The following GOLGA4 variants were observed in gnomAD, a reference collection of about 807,000 sequenced individuals.
The protein encoded by GOLGA4 is golgin subfamily A member 4.
In GOLGA4, 169 loss-of-function variants were observed where a neutral mutation model predicts 265.9. That is an observed-to-expected ratio of 0.64 (90% CI 0.56 to 0.72). The LOEUF is 0.72. GOLGA4 is among the 30% of genes least tolerant of loss of function. The pLI is 0.00. For synonymous variants in GOLGA4, 923 were observed against 855.8 expected, an observed-to-expected ratio of 1.08 and a Z score of -1.37; for missense variants, 2,482 against 2,483.4, an observed-to-expected ratio of 1.00 and a Z score of 0.01.
At chr3:37,320,172 G>A (rs1045396079) in intron 12 of GOLGA4, 2 of 151,652 alleles carry the variant, frequency 1.3e-5, no homozygotes, top group African/African-American at 4.8e-5. Context: ...GATTTTTGTT[G>A]AAAGATTTTT....
intron 2 of GOLGA4, among the ~76,000 whole-genome samples, chr3:37,252,135 A>G (rs1486294840): frequency 9.4e-4 from 1 of 1,060 alleles, no homozygotes; most frequent in Non-Finnish European, 1.3e-3. Context: ...ATTATTTCCC[A>G]CTTTTTTTCT....
At chr3:37,257,083 C>T (rs998493094) in intron 2 of GOLGA4, among the ~76,000 whole-genome samples, 4 of 152,148 alleles carry the variant, frequency 2.6e-5, no homozygotes, top group Admixed American at 2.6e-4. Flanking sequence ...ATTCCCACTC[C>T]TTCCTCCAAC....
At position 37,327,235 on chromosome 3, in the gene GOLGA4, T is replaced by C. The variant is rs1267205137; in HGVS notation, c.5349T>C (p.Ala1783=). 6.2e-7 allele frequency: 1 copy of C among 1,613,868 alleles called. No individual in the cohort carries two copies. ...YQERLIKLEH[A]EAKQHEDQSM... is the part of the protein sequence containing the mutation. ...AGCGCTTAATAAAGCTAGAACATGC[T>C]GAGGCAAAGCAACATGAAGATCAAA... Residue 1783 remains alanine (A), a synonymous_variant, in exon 14 of 24, where the codon GCT becomes GCC. Coordinates refer to ENST00000361924, the MANE Select transcript of GOLGA4 (RefSeq NM_002078.5).
chr3:37,278,511 A>G (rs1057424160), intron 2 of GOLGA4, among the ~76,000 whole-genome samples: 3 of 152,158 alleles, frequency 2.0e-5, no homozygotes, highest in Non-Finnish European at 2.9e-5. Context: ...CCTAAAATCC[A>G]TATTTTCTTC....
chr3:37,346,516 A>G (rs1014167133), intron 20 of GOLGA4, among the ~76,000 whole-genome samples: 1 of 152,150 alleles, frequency 6.6e-6, no homozygotes, highest in Non-Finnish European at 1.5e-5. Flanking sequence ...TTCAATGCTG[A>G]ATTTAATAAT....
intron 10 of GOLGA4, among the ~76,000 whole-genome samples, chr3:37,306,560 AG>A (rs1307560999): frequency 4.7e-5 from 7 of 150,444 alleles, no homozygotes; most frequent in Non-Finnish European, 7.4e-5. Flanking sequence ...GATAGGAGAT[AG>A]GGGTAGCTAA....
chr3:37,293,134 T>A (rs1248396825), intron 5 of GOLGA4, among the ~76,000 whole-genome samples: 1 of 152,162 alleles, frequency 6.6e-6, no homozygotes, highest in Non-Finnish European at 1.5e-5. Flanking sequence ...TGGATAAAAT[T>A]AGAGGAGGAC....
chr3:37,327,947 A>G, intron 14 of GOLGA4, 122 bp downstream of exon 14: 1 of 738,730 alleles, frequency 1.4e-6, no homozygotes. Flanking sequence ...AAAATATTAA[A>G]CATAAATCCA....
chr3:37,352,336 C>G (rs1162643058), intron 21 of GOLGA4, among the ~76,000 whole-genome samples: 3 of 151,910 alleles, frequency 2.0e-5, no homozygotes, highest in Non-Finnish European at 4.4e-5. Context: ...AAGAAGTGCC[C>G]AGCAAAAGGG....
At chr3:37,349,847 G>A (rs764562674) in intron 21 of GOLGA4, among the ~76,000 whole-genome samples, 5 of 152,104 alleles carry the variant, frequency 3.3e-5, no homozygotes, top group African/African-American at 9.7e-5. Context: ...GTGTTTCTTC[G>A]TCTGCTTTTG....
At position 37,326,928 on chromosome 3, in the gene GOLGA4, T is replaced by C. The variant is rs749730424; in HGVS notation, c.5042T>C (p.Leu1681Ser). 6.2e-7 allele frequency: 1 copy of C among 1,613,768 alleles called. No homozygotes were observed. Among genetic ancestry groups the C allele is most frequent in the Non-Finnish European group, 8.5e-7 (1 of 1,179,776 alleles). The part of the protein sequence containing the change: ...ESHLSELNTK[L>S]QEREREVHIL... The stretch of plus-strand genomic sequence containing the variant: ...CATTTGAGTGAGCTAAATACAAAAT[T>C]GCAGGAAAGAGAAAGGGAAGTTCAC... Residue 1681 changes from leucine (L) to serine (S), a missense_variant, in exon 14 of 24, where the codon TTG (leucine) becomes TCG (serine). This residue lies in a region of GOLGA4 where 942 missense variants were observed against 983.1 expected (regional missense o/e 0.96). Transcript: ENST00000361924.
At chr3:37,251,328 A>G in intron 1 of GOLGA4, 67 bp from the exon 2 acceptor site, 1 of 934,674 alleles carries the variant, frequency 1.1e-6, no homozygotes, top group Non-Finnish European at 1.8e-6. Context: ...TGAGAGAAGG[A>G]CTACCTAGTT....
At chr3:37,263,555 G>A (rs2096775671) in intron 2 of GOLGA4, among the ~76,000 whole-genome samples, 1 of 152,060 alleles carries the variant, frequency 6.6e-6, no homozygotes, top group African/African-American at 2.4e-5. Context: ...GTTAAGCAGT[G>A]CAAGACTGTA....
chr3:37,310,593 G>GA (rs1208526953), intron 10 of GOLGA4, among the ~76,000 whole-genome samples: 1 of 152,166 alleles, frequency 6.6e-6, no homozygotes, highest in Non-Finnish European at 1.5e-5. Flanking sequence ...TCCCATGGAT[G>GA]TGAGTGAACC....
chr3:37,343,400 C>T (rs535845180), intron 20 of GOLGA4, among the ~76,000 whole-genome samples: 25 of 152,082 alleles, frequency 1.6e-4, no homozygotes, highest in Middle Eastern at 3.4e-3. Context: ...GGATTACAGA[C>T]GTGAGCCACC....
intron 9 of GOLGA4, among the ~76,000 whole-genome samples, chr3:37,300,079 A>G (rs1459793813): frequency 2.0e-5 from 3 of 152,112 alleles, no homozygotes; most frequent in South Asian, 2.1e-4. Context: ...AAAATAAGTG[A>G]TAATGTATAT....
intron 10 of GOLGA4, among the ~76,000 whole-genome samples, chr3:37,310,344 A>G (rs1578629234): frequency 6.6e-6 from 1 of 152,170 alleles, no homozygotes; most frequent in East Asian, 1.9e-4. Context: ...AGTAGCAAAA[A>G]CAATGCCACA....
intron 10 of GOLGA4, among the ~76,000 whole-genome samples, chr3:37,310,274 G>A (rs2096919493): frequency 6.6e-6 from 1 of 152,088 alleles, no homozygotes; most frequent in South Asian, 2.1e-4. Flanking sequence ...CAGAATTCTG[G>A]CATTTCTTAT....
chr3:37,326,775 A>C lies in GOLGA4; in HGVS notation c.4889A>C (p.Glu1630Ala). 1 of 1,613,768 alleles carries C rather than the reference A, an allele frequency of 6.2e-7. No homozygotes were observed. The highest frequency in any genetic ancestry group is 8.5e-7 in the Non-Finnish European group (1 of 1,179,728). Residue 1630 changes from glutamate (E) to alanine (A), a missense_variant, in exon 14 of 24, where the codon GAG (glutamate) becomes GCG (alanine). This residue lies in a region of GOLGA4 where 942 missense variants were observed against 983.1 expected (regional missense o/e 0.96). Coordinates refer to ENST00000361924, the MANE Select transcript of GOLGA4 (RefSeq NM_002078.5). The part of the protein sequence containing the change: ...EELKALEDRL[E>A]SESAAKLAEL... The stretch of plus-strand genomic sequence containing the variant: ...TTAAAGGCATTGGAAGATAGGCTTG[A>C]GTCAGAAAGTGCTGCAAAATTAGCA...
Sources: gnomAD v4.1 joint callset for allele counts (sites outside exome capture counted in the v4.1 genomes callset) on GRCh38, gnomAD v4.1.1 for gene constraint, gnomAD v4.1.1 regional missense constraint, MANE v1.5 for transcripts, NCBI Gene and HGNC (gene_info 2026-07-23, HGNC 2026-07-21) for gene names.